COL5A2: variants seen among roughly 807,000 people sequenced by gnomAD.
COL5A2 encodes collagen alpha-2(V) chain.
In COL5A2, 23 loss-of-function variants were observed where a neutral mutation model predicts 208.2. The ratio of observed to expected loss-of-function variants is 0.11; its 90% CI spans 0.08 to 0.16. The LOEUF (loss-of-function observed/expected upper bound fraction) is 0.16. Among genes scored for constraint, COL5A2 ranks in the 10% least tolerant of loss-of-function variants. The pLI is 1.00. For synonymous variants in COL5A2, 625 were observed against 628.5 expected (o/e 0.99, Z 0.08); for missense variants, 1,590 against 1,956.4 (o/e 0.81, Z 3.53).
intron 16 of COL5A2, 52 bp from the exon 17 acceptor site, chr2:189,075,489 A>G: frequency 7.2e-7 from 1 of 1,396,256 alleles, no homozygotes; most frequent in Non-Finnish European, 1.0e-6. Context: ...TTTAGACTAT[A>G]TTTTCTCTTA....
chr2:189,379,222 CT>C, the COL5A2 span, among the ~76,000 whole-genome samples: 6 of 152,070 alleles, frequency 3.9e-5, no homozygotes, highest in African/African-American at 1.4e-4. Flanking sequence ...ATTACACAGT[CT>C]TTAAATTTGC....
chr2:189,092,322 A>G lies in COL5A2; in HGVS notation c.555T>C (p.Asp185=). ...PPGHPSHPGP[D]GLSRPFSAQM... is the part of the protein sequence containing the mutation. ...GCACACAACTCACCCTGCTCAAGCC[A>G]TCGGGTCCTGGGTGGGACGGATGTC... is the stretch of plus-strand genomic sequence containing the variant. The change falls in exon 7 of 54, where the codon GAT becomes GAC. Residue 185 remains aspartate (D), a synonymous_variant. Transcript: ENST00000374866. 1 of 1,606,490 alleles carries G rather than the reference A, an allele frequency of 6.2e-7. No homozygotes were observed. Among genetic ancestry groups the G allele is most frequent in the Non-Finnish European group, 8.5e-7 (1 of 1,175,642 alleles).
At chr2:189,212,231 T>C (rs986422177) in intron 1 of COL5A2, among the ~76,000 whole-genome samples, 13 of 152,172 alleles carry the variant, frequency 8.5e-5, no homozygotes, top group Non-Finnish European at 1.8e-4. Flanking sequence ...CTGCCACCTC[T>C]ATACCTTGAG....
rs750663572 is a variant in COL5A2, at chr2:189,035,000, C to T, written c.4269G>A (p.Val1423=). 6.2e-7 allele frequency: 1 copy of T among 1,613,830 alleles called. No individual in the cohort carries two copies. Among genetic ancestry groups the T allele is most frequent in the African/African-American group, 1.3e-5 (1 of 75,002 alleles). ...DDQAKNLKKA[V]VLKGANDLDI... is the part of the protein sequence containing the mutation. ...CTAAGTCATTTGCCCCTTTGAGAAC[C>T]ACAGCTTTTTTGAGGTTCTTAGCTT... Residue 1423 remains valine, a synonymous_variant, in exon 53 of 54, where the codon GTG becomes GTA. Transcript: ENST00000374866.
chr2:189,180,062 C>G (rs571086946), upstream of COL5A2, among the ~76,000 whole-genome samples: 10 of 152,124 alleles, frequency 6.6e-5, no homozygotes, highest in Non-Finnish European at 1.2e-4. Context: ...CCTAACCCTT[C>G]CCCCCAGACA....
chr2:189,242,788 A>G, the COL5A2 span, among the ~76,000 whole-genome samples: 1 of 152,198 alleles, frequency 6.6e-6, no homozygotes, highest in Non-Finnish European at 1.5e-5. Context: ...TAAACAGGGG[A>G]TAAGGAAAGA....
At chr2:189,206,348 T>C (rs1009816756) in intron 1 of COL5A2, among the ~76,000 whole-genome samples, 6 of 152,196 alleles carry the variant, frequency 3.9e-5, no homozygotes, top group Non-Finnish European at 7.3e-5. Context: ...TCTTTATCTG[T>C]TATGACACTC....
the COL5A2 span, among the ~76,000 whole-genome samples, chr2:189,429,460 T>C: frequency 1.3e-5 from 2 of 152,206 alleles, no homozygotes; most frequent in Non-Finnish European, 2.9e-5. Flanking sequence ...TCTAAGGTGA[T>C]GCCTGGGGGT....
the COL5A2 span, among the ~76,000 whole-genome samples, chr2:189,377,177 G>A: frequency 6.6e-6 from 1 of 152,160 alleles, no homozygotes; most frequent in Admixed American, 6.5e-5. Context: ...ACCCAGGCAT[G>A]GTATGGCTTG....
chr2:189,271,828 C>T, the COL5A2 span, among the ~76,000 whole-genome samples: 8 of 152,118 alleles, frequency 5.3e-5, no homozygotes, highest in South Asian at 2.1e-4. Context: ...AAACAAACAA[C>T]CTCATCAAAA....
intron 8 of COL5A2, among the ~76,000 whole-genome samples, chr2:189,087,935 T>C (rs1429970584): frequency 6.6e-6 from 1 of 152,092 alleles, no homozygotes; most frequent in Non-Finnish European, 1.5e-5. Context: ...AATGATGCCA[T>C]ATTACTAGTA....
the COL5A2 span, among the ~76,000 whole-genome samples, chr2:189,377,723 T>C: frequency 6.6e-6 from 1 of 152,282 alleles, no homozygotes; most frequent in East Asian, 1.9e-4. Context: ...ATCCCTCCAC[T>C]TTCTCCTCCT....
chr2:189,269,961 A>C, the COL5A2 span, among the ~76,000 whole-genome samples: 1 of 152,080 alleles, frequency 6.6e-6, no homozygotes. Context: ...GTTTAGACTT[A>C]GGAGGGTGTA....
chr2:189,241,057 T>G, the COL5A2 span, among the ~76,000 whole-genome samples: 1 of 152,314 alleles, frequency 6.6e-6, no homozygotes, highest in African/African-American at 2.4e-5. Flanking sequence ...GTTAATGTGT[T>G]AAATCCTTTT....
At chr2:189,064,127 G>T in intron 25 of COL5A2, 94 bp from the exon 26 acceptor site, 1 of 942,118 alleles carries the variant, frequency 1.1e-6, no homozygotes, top group Non-Finnish European at 1.7e-6. Context: ...TTTGTCAACT[G>T]AATAGAATGA....
the COL5A2 span, among the ~76,000 whole-genome samples, chr2:189,363,262 A>C: frequency 6.6e-6 from 1 of 152,070 alleles, no homozygotes; most frequent in East Asian, 1.9e-4. Flanking sequence ...AATGCATCTA[A>C]AGTTTCTCCA....
intron 1 of COL5A2, among the ~76,000 whole-genome samples, chr2:189,218,103 T>C (rs1461559058): frequency 6.6e-6 from 1 of 152,194 alleles, no homozygotes; most frequent in Non-Finnish European, 1.5e-5. Flanking sequence ...CTAAGAACGT[T>C]ATGCTAACAG....
At chr2:189,271,593 G>A in the COL5A2 span, among the ~76,000 whole-genome samples, 1 of 152,098 alleles carries the variant, frequency 6.6e-6, no homozygotes, top group Non-Finnish European at 1.5e-5. Flanking sequence ...CAGGACATAG[G>A]CATGGGCAAA....
chr2:189,395,563 T>A, the COL5A2 span, among the ~76,000 whole-genome samples: 1 of 152,144 alleles, frequency 6.6e-6, no homozygotes, highest in Non-Finnish European at 1.5e-5. Context: ...ACTGTTTACA[T>A]TTCTAAGTAC....
Sources: allele counts gnomAD v4.1 joint callset (sites outside exome capture counted in the v4.1 genomes callset), GRCh38; gene constraint gnomAD v4.1.1; transcripts MANE v1.5; gene names NCBI Gene and HGNC (gene_info 2026-07-23, HGNC 2026-07-21).